The following NT5DC1 variants were observed in gnomAD, a reference collection of about 807,000 sequenced individuals.
NT5DC1 encodes the protein 5'-nucleotidase domain-containing protein 1.
A neutral mutation model predicts 59.4 loss-of-function variants in NT5DC1; 42 were observed. The ratio of observed to expected loss-of-function variants is 0.71; its 90% CI spans 0.55 to 0.92. The LOEUF (loss-of-function observed/expected upper bound fraction) is 0.92, where lower values mean the gene tolerates loss of function less well. NT5DC1 is among the 40% of genes least tolerant of loss of function. The pLI is 0.00. For missense variants in NT5DC1, 501 were observed against 537.1 expected, an observed-to-expected ratio of 0.93 and a Z score of 0.66; for synonymous variants, 172 against 188.1, an observed-to-expected ratio of 0.91 and a Z score of 0.70.
At chr6:116,106,067 T>G (rs545506825) in intron 1 of NT5DC1, among the ~76,000 whole-genome samples, 177 bp from the exon 2 acceptor site, 1 of 152,374 alleles carries the variant, frequency 6.6e-6, no homozygotes, top group East Asian at 1.9e-4. Flanking sequence ...ACCTGGGGCA[T>G]GCAGGGGATG....
chr6:116,159,001 A>G (rs908031970), intron 6 of NT5DC1, among the ~76,000 whole-genome samples: 2 of 152,186 alleles, frequency 1.3e-5, no homozygotes, highest in Admixed American at 1.3e-4. Context: ...TTGCATTAGA[A>G]TAGCTCAAAT....
intron 6 of NT5DC1, among the ~76,000 whole-genome samples, chr6:116,144,453 G>A (rs1470063390): frequency 8.9e-6 from 1 of 112,056 alleles, no homozygotes; most frequent in African/African-American, 2.6e-5. Flanking sequence ...GTGAGCTGAT[G>A]TTGTGCCACT....
chr6:116,119,149 A>T (rs1377966460), intron 6 of NT5DC1: 1 of 152,672 alleles, frequency 6.5e-6, no homozygotes, highest in Non-Finnish European at 1.5e-5. Context: ...GTGCATAAAT[A>T]AATAATATAT....
chr6:116,237,482 G>A (rs1018906683), intron 9 of NT5DC1: 4 of 458,270 alleles, frequency 8.7e-6, no homozygotes, highest in Non-Finnish European at 1.8e-5. Context: ...GAATTTCTGT[G>A]AGCTGAGAGA....
At chr6:116,150,437 A>G (rs1325550587) in intron 6 of NT5DC1, among the ~76,000 whole-genome samples, 3 of 152,012 alleles carry the variant, frequency 2.0e-5, no homozygotes, top group African/African-American at 7.3e-5. Flanking sequence ...GGTGCCCGCC[A>G]CCACACCCAA....
intron 6 of NT5DC1, among the ~76,000 whole-genome samples, chr6:116,143,482 G>A (rs897512923): frequency 2.6e-5 from 4 of 152,162 alleles, no homozygotes; most frequent in Non-Finnish European, 5.9e-5. Flanking sequence ...AAATTGCTGG[G>A]ATTACAGGCT....
At chr6:116,200,510 T>C (rs1781325446) in intron 6 of NT5DC1, among the ~76,000 whole-genome samples, 1 of 152,074 alleles carries the variant, frequency 6.6e-6, no homozygotes, top group Non-Finnish European at 1.5e-5. Flanking sequence ...CTCTGGACTA[T>C]CTTTGTAATT....
intron 8 of NT5DC1, among the ~76,000 whole-genome samples, chr6:116,230,131 C>CTCCT (rs1258664063): frequency 6.6e-6 from 1 of 151,812 alleles, no homozygotes; most frequent in Non-Finnish European, 1.5e-5. Flanking sequence ...CATCTTTGTC[C>CTCCT]TCCTCTCCCT....
At chr6:116,183,785 T>C (rs1343619086) in intron 6 of NT5DC1, among the ~76,000 whole-genome samples, 1 of 152,092 alleles carries the variant, frequency 6.6e-6, no homozygotes, top group Non-Finnish European at 1.5e-5. Context: ...ATTTACCATT[T>C]CTAGGAGCTT....
At chr6:116,187,114 G>T (rs1345063475) in intron 6 of NT5DC1, among the ~76,000 whole-genome samples, 1 of 152,024 alleles carries the variant, frequency 6.6e-6, no homozygotes, top group African/African-American at 2.4e-5. Context: ...GAGCCAGACT[G>T]CAGTGATGCT....
rs1445884900 is a variant in NT5DC1 at position 116,159,117 on chromosome 6, CAGA to C, written c.529+41175_529+41177del. Among the ~76,000 whole-genome samples the C allele has an allele frequency of 3.3e-5, 5 of 152,172 alleles. No individual in the cohort carries two copies. The East Asian group carries it at 9.6e-4, about 29-fold the overall frequency. On this transcript the variant is annotated intron_variant, in intron 6 of 11. Transcript: ENST00000319550. ...TAACTAGCAATGTTATGGAATTCCACAGAAGGATATCTTCTTATGCCATTGCTC... is the reference window on the plus strand; with the variant it reads ...TAACTAGCAATGTTATGGAATTCCACAGGATATCTTCTTATGCCATTGCTC...
At chr6:116,203,836 T>C (rs983861943) in intron 6 of NT5DC1, among the ~76,000 whole-genome samples, 3 of 151,986 alleles carry the variant, frequency 2.0e-5, no homozygotes, top group African/African-American at 7.2e-5. Flanking sequence ...GAGTTCCAGA[T>C]ACCTTATATT....
intron 6 of NT5DC1, among the ~76,000 whole-genome samples, chr6:116,152,439 C>G (rs570672526): frequency 1.3e-5 from 2 of 152,064 alleles, no homozygotes; most frequent in Non-Finnish European, 2.9e-5. Context: ...CTTTTGAACT[C>G]CTGTGTCCTC....
intron 11 of NT5DC1, among the ~76,000 whole-genome samples, chr6:116,240,697 G>C (rs985684949): frequency 8.5e-5 from 13 of 152,130 alleles, no homozygotes; most frequent in African/African-American, 3.1e-4. Context: ...AAGCAATCAA[G>C]AGCATAAATA....
intron 6 of NT5DC1, among the ~76,000 whole-genome samples, chr6:116,154,816 G>C (rs192998727): frequency 6.6e-6 from 1 of 152,282 alleles, no homozygotes; most frequent in East Asian, 1.9e-4. Flanking sequence ...CTTAGCAGAG[G>C]CATCTTGTTA....
At chr6:116,121,147 C>T in intron 6 of NT5DC1, 2 of 1,613,218 alleles carry the variant, frequency 1.2e-6, no homozygotes, top group Non-Finnish European at 1.7e-6. Flanking sequence ...GCCCTTGTTC[C>T]CCTTTGGCAC....
intron 6 of NT5DC1, among the ~76,000 whole-genome samples, chr6:116,220,502 C>T (rs558874952): frequency 6.6e-6 from 1 of 152,100 alleles, no homozygotes; most frequent in South Asian, 2.1e-4. Flanking sequence ...TATTTTGCAC[C>T]GATTTTTCCA....
intron 6 of NT5DC1, among the ~76,000 whole-genome samples, chr6:116,170,214 A>G (rs1780572843): frequency 6.6e-6 from 1 of 151,402 alleles, no homozygotes; most frequent in Admixed American, 6.6e-5. Flanking sequence ...TAGCTAGGGG[A>G]TGATATGGAA....
intron 6 of NT5DC1, among the ~76,000 whole-genome samples, chr6:116,178,108 T>TGC (rs56720674): frequency 1.2e-4 from 13 of 107,258 alleles, no homozygotes; most frequent in Non-Finnish European, 2.2e-4. Flanking sequence ...CGCGCGTGCG[T>TGC]GCGTGTGTGT....
Sources: gnomAD v4.1 joint callset for allele counts (sites outside exome capture counted in the v4.1 genomes callset) on GRCh38, gnomAD v4.1.1 for gene constraint, MANE v1.5 for transcripts, NCBI Gene and HGNC (gene_info 2026-07-23, HGNC 2026-07-21) for gene names.